Variants in LRP1B observed in about 807,000 individuals in gnomAD.
LRP1B encodes LDL receptor related protein 1B.
LRP1B carries 217 observed loss-of-function variants against 556.6 expected under a neutral mutation model. The ratio of observed to expected loss-of-function variants is 0.39; its 90% CI spans 0.35 to 0.44. The LOEUF is 0.44. Among genes scored for constraint, LRP1B ranks in the 20% least tolerant of loss-of-function variants. LRP1B has a pLI of 1.00. For synonymous variants in LRP1B, 2,047 were observed against 1,865.8 expected (o/e 1.10, Z -2.50); for missense variants, 5,053 against 5,620.8 (o/e 0.90, Z 3.23).
At chr2:141,083,696 A>C (rs1280862214) in intron 7 of LRP1B, among the ~76,000 whole-genome samples, 1 of 152,202 alleles carries the variant, frequency 6.6e-6, no homozygotes, top group Non-Finnish European at 1.5e-5. Flanking sequence ...GGGTTATCAC[A>C]GGAGTGGGAC....
intron 2 of LRP1B, among the ~76,000 whole-genome samples, chr2:141,712,997 G>C (rs561043385): frequency 6.6e-6 from 1 of 151,570 alleles, no homozygotes; most frequent in Non-Finnish European, 1.5e-5. Context: ...ATATCTTCAA[G>C]TATACAAGTA....
chr2:142,054,822 T>C (rs1704603660), intron 1 of LRP1B, among the ~76,000 whole-genome samples: 1 of 151,882 alleles, frequency 6.6e-6, no homozygotes, highest in Admixed American at 6.6e-5. Flanking sequence ...TTGTGGCCAT[T>C]TTTTTTTCTC....
At chr2:141,568,547 A>G (rs550898039) in intron 2 of LRP1B, among the ~76,000 whole-genome samples, 1 of 151,334 alleles carries the variant, frequency 6.6e-6, no homozygotes, top group East Asian at 1.9e-4. Flanking sequence ...TTAAGGAAAC[A>G]AGGATTCAAC....
chr2:141,692,112 G>A (rs1167682285), intron 2 of LRP1B, among the ~76,000 whole-genome samples: 1 of 151,876 alleles, frequency 6.6e-6, no homozygotes, highest in Non-Finnish European at 1.5e-5. Context: ...TCCTTGTTTA[G>A]ATTAATGGAA....
chr2:141,099,545 G>A (rs1346947438), intron 7 of LRP1B, among the ~76,000 whole-genome samples: 1 of 152,180 alleles, frequency 6.6e-6, no homozygotes, highest in African/African-American at 2.4e-5. Context: ...ACACACAAAT[G>A]TGCACACGTG....
intron 84 of LRP1B, among the ~76,000 whole-genome samples, chr2:140,293,923 C>G (rs1190172772): frequency 6.6e-6 from 1 of 152,062 alleles, no homozygotes; most frequent in Non-Finnish European, 1.5e-5. Flanking sequence ...TTAATAAGTG[C>G]TTTGCAGTAA....
At position 141,582,667 on chromosome 2, in the gene LRP1B, C is replaced by T. The variant is rs1574104020; in HGVS notation, c.206-102134G>A. ...TGGGAAGGTGTAAAGATAAAATATA[C>T]CATATGTGTTACAGTATTGTGAAAA... On this transcript the variant is annotated intron_variant, in intron 2 of 90. Transcript: ENST00000389484. 2.0e-5 allele frequency among the ~76,000 whole-genome samples: 3 copies of T among 150,742 alleles called. No homozygotes were observed. The South Asian group carries it at 6.3e-4, about 31-fold the overall frequency.
At chr2:140,540,263 C>G (rs139881602) in intron 45 of LRP1B, among the ~76,000 whole-genome samples, 13 of 152,180 alleles carry the variant, frequency 8.5e-5, no homozygotes, top group African/African-American at 3.1e-4. Context: ...TGATTTCCAA[C>G]AAGATATTTC....
At chr2:141,049,299 C>T in intron 10 of LRP1B, 77 bp from the exon 11 acceptor site, 1 of 912,284 alleles carries the variant, frequency 1.1e-6, no homozygotes, top group Non-Finnish European at 1.8e-6. Context: ...CACCGTTTAA[C>T]TGGCACAATT....
intron 7 of LRP1B, among the ~76,000 whole-genome samples, chr2:141,084,940 C>T (rs1008397926): frequency 6.6e-6 from 1 of 152,218 alleles, no homozygotes; most frequent in African/African-American, 2.4e-5. Flanking sequence ...TGAGCCACCG[C>T]GCCCGGCCTC....
At chr2:141,819,535 A>C (rs1410210299) in intron 1 of LRP1B, among the ~76,000 whole-genome samples, 1 of 152,188 alleles carries the variant, frequency 6.6e-6, no homozygotes, top group African/African-American at 2.4e-5. Flanking sequence ...CATATGTGGA[A>C]GCTACAAAAG....
In LRP1B at chr2:140,255,328, C is replaced by A. The variant is rs1681626891; in HGVS notation, c.13248-8166G>T. Among the ~76,000 whole-genome samples the A allele has an allele frequency of 2.0e-5, 3 of 152,044 alleles. No individual in the cohort carries two copies. The South Asian group carries it at 6.2e-4, about 32-fold the overall frequency. ...AAAAAATTGATTCAGGAGGTAGAGA[C>A]AAATGTCTTCACTAAATCTAAAATG... is the stretch of plus-strand genomic sequence containing the variant. On this transcript the variant is annotated intron_variant, in intron 86 of 90. Transcript: ENST00000389484.
At chr2:140,917,936 T>C (rs1305144132) in intron 21 of LRP1B, among the ~76,000 whole-genome samples, 1 of 152,104 alleles carries the variant, frequency 6.6e-6, no homozygotes, top group Non-Finnish European at 1.5e-5. Flanking sequence ...AAGCTGTGCA[T>C]GTGAGGGCGG....
chr2:140,547,796 CTT>C (rs569713006), intron 43 of LRP1B, among the ~76,000 whole-genome samples: 63 of 152,010 alleles, frequency 4.1e-4, no homozygotes, highest in African/African-American at 1.4e-3. Context: ...GAACTATAGA[CTT>C]TTGTGATTTC....
Position 140,867,691 on chromosome 2 carries a change from G to C in LRP1B, c.4478C>G (p.Ser1493Cys), listed in dbSNP as rs747843959. 5.8e-5 allele frequency: 94 copies of C among 1,613,334 alleles called. No homozygotes were observed. The highest frequency in any genetic ancestry group is 7.7e-5 in the Non-Finnish European group (91 of 1,179,632). Residue 1493 changes from serine to cysteine, a missense_variant, in exon 27 of 91, where the codon TCC (serine) becomes TGC (cysteine). This residue lies in a region of LRP1B where 3,619 missense variants were observed against 3,931.9 expected (regional missense o/e 0.92). Transcript: ENST00000389484. ...YWTDWRTNTL[S>C]KANKWTGQNV... ...CTGCCCTGTCCACTTATTGGCTTTGGACAATGTGTTGGTCCTCCAGTCTGT... is the reference window on the plus strand; with the variant it reads ...CTGCCCTGTCCACTTATTGGCTTTGCACAATGTGTTGGTCCTCCAGTCTGT...
intron 66 of LRP1B, among the ~76,000 whole-genome samples, chr2:140,436,319 A>G (rs1573937146): frequency 6.6e-6 from 1 of 152,310 alleles, no homozygotes; most frequent in South Asian, 2.1e-4. Context: ...TCCATTAAAA[A>G]GGATAATAGC....
intron 1 of LRP1B, among the ~76,000 whole-genome samples, chr2:142,087,118 G>A (rs1174831979): frequency 6.6e-6 from 1 of 152,074 alleles, no homozygotes; most frequent in Non-Finnish European, 1.5e-5. Context: ...GTAATATGAA[G>A]CCCCTGTAGT....
At chr2:141,236,222 G>T (rs1034489376) in intron 5 of LRP1B, among the ~76,000 whole-genome samples, 2 of 152,030 alleles carry the variant, frequency 1.3e-5, no homozygotes, top group Non-Finnish European at 2.9e-5. Context: ...ATGATGTTTT[G>T]AAGTATACAT....
intron 2 of LRP1B, among the ~76,000 whole-genome samples, chr2:141,538,454 A>G (rs1450423937): frequency 1.3e-5 from 2 of 151,962 alleles, no homozygotes; most frequent in Non-Finnish European, 2.9e-5. Context: ...ATTCTACCAA[A>G]TCATCACTCA....
Sources: allele counts gnomAD v4.1 joint callset (sites outside exome capture counted in the v4.1 genomes callset), GRCh38; gene constraint gnomAD v4.1.1; regional missense constraint gnomAD v4.1.1; transcripts MANE v1.5; gene names NCBI Gene and HGNC (gene_info 2026-07-23, HGNC 2026-07-21).